MGAT4C: variants seen among roughly 807,000 people sequenced by gnomAD.
MGAT4C encodes alpha-1,3-mannosyl-glycoprotein 4-beta-N-acetylglucosaminyltransferase C.
Under a neutral mutation model 40.1 loss-of-function variants are expected in MGAT4C, and 19 were observed. The observed-to-expected ratio is 0.47, with a 90% confidence interval of 0.33 to 0.70. The LOEUF is 0.70. MGAT4C is among the 30% of genes least tolerant of loss of function. MGAT4C has a pLI of 0.02. For missense variants in MGAT4C, 491 were observed against 563.2 expected (o/e 0.87, Z 1.30); for synonymous variants, 181 against 187.1 (o/e 0.97, Z 0.27).
chr12:86,458,676 A>G (rs1355262507), intron 2 of MGAT4C, among the ~76,000 whole-genome samples: 1 of 152,228 alleles, frequency 6.6e-6, no homozygotes, highest in Non-Finnish European at 1.5e-5. Context: ...CATGGAATGA[A>G]TATCACAGTT....
At chr12:86,277,709 T>G (rs1953111185) in intron 4 of MGAT4C, among the ~76,000 whole-genome samples, 1 of 152,152 alleles carries the variant, frequency 6.6e-6, no homozygotes, top group South Asian at 2.1e-4. Flanking sequence ...CACTGTAGAT[T>G]CATGGATTTC....
intron 3 of MGAT4C, among the ~76,000 whole-genome samples, chr12:86,417,673 T>C (rs1956744140): frequency 6.6e-6 from 1 of 152,134 alleles, no homozygotes; most frequent in African/African-American, 2.4e-5. Context: ...ATTCTTTGAA[T>C]GAGATATATT....
At chr12:86,501,479 G>A (rs1439774985) in intron 2 of MGAT4C, among the ~76,000 whole-genome samples, 1 of 151,260 alleles carries the variant, frequency 6.6e-6, no homozygotes, top group Admixed American at 6.6e-5. Flanking sequence ...TTTTCCTAAT[G>A]CTCTTCCCCC....
At chr12:86,367,616 G>A (rs1316375352) in intron 3 of MGAT4C, among the ~76,000 whole-genome samples, 2 of 152,096 alleles carry the variant, frequency 1.3e-5, no homozygotes, top group African/African-American at 4.8e-5. Flanking sequence ...TCACTAACAC[G>A]GTGAAACCTC....
chr12:86,048,579 T>G (rs2136960783), intron 2 of MGAT4C, among the ~76,000 whole-genome samples: 1 of 151,832 alleles, frequency 6.6e-6, no homozygotes, highest in South Asian at 2.1e-4. Flanking sequence ...AAGTAATAAA[T>G]AATGAAATGA....
chr12:85,968,968 T>A lies in MGAT4C; in HGVS notation c.*10321A>T, dbSNP rs538927858. On this transcript the variant is annotated 3_prime_UTR_variant, in exon 5 of 5. Transcript: ENST00000611864. The stretch of plus-strand genomic sequence containing the variant: ...TTCTTCATCACTGAAGTAGCAATAA[T>A]AATAGTCATTTCTGTTTTAATACTT... 6.6e-6 allele frequency: 1 copy of A among 151,966 alleles called. No individual in the cohort carries two copies. The highest frequency in any genetic ancestry group is 1.9e-4 in the East Asian group (1 of 5,172). 9.4% of individuals were successfully genotyped at this position (151,966 alleles called of 1,614,324 possible).
intron 1 of MGAT4C, among the ~76,000 whole-genome samples, chr12:86,729,262 C>G (rs192486584): frequency 3.9e-5 from 6 of 152,028 alleles, no homozygotes; most frequent in African/African-American, 1.4e-4. Context: ...GTGATGGATA[C>G]CCCAGTTACC....
At chr12:86,437,726 TA>T (rs1323872995) in intron 2 of MGAT4C, among the ~76,000 whole-genome samples, 1 of 151,920 alleles carries the variant, frequency 6.6e-6, no homozygotes, top group Non-Finnish European at 1.5e-5. Context: ...ATTCACACAA[TA>T]TATCAAGCTT....
chr12:86,345,824 G>A (rs984439087), intron 3 of MGAT4C, among the ~76,000 whole-genome samples: 1 of 152,154 alleles, frequency 6.6e-6, no homozygotes, highest in African/African-American at 2.4e-5. Flanking sequence ...CTGAGGAATC[G>A]CCACACCGAC....
At chr12:86,446,469 G>A (rs1238264641) in intron 2 of MGAT4C, among the ~76,000 whole-genome samples, 1 of 151,138 alleles carries the variant, frequency 6.6e-6, no homozygotes, top group African/African-American at 2.4e-5. Flanking sequence ...GCAACCAGCT[G>A]TTTTTGTGAT....
intron 2 of MGAT4C, among the ~76,000 whole-genome samples, chr12:86,701,295 G>A (rs868385990): frequency 1.3e-5 from 2 of 151,704 alleles, no homozygotes; most frequent in African/African-American, 4.8e-5. Context: ...CTATGATGCC[G>A]TTTTTCCAAC....
In MGAT4C at chr12:86,339,092, T is replaced by A. The variant is rs151262850; in HGVS notation, c.-119-4965A>T. 5.3e-5 allele frequency among the ~76,000 whole-genome samples: 8 copies of A among 152,022 alleles called. 1 individual carries two copies. Among genetic ancestry groups the A allele is most frequent in the African/African-American group, 1.9e-4 (8 of 41,474 alleles). ...TCATTTAATGCCGAAAACAACCCTATGAAGTTGGTATTATTGTTATTATTG... is the reference window on the plus strand; with the variant it reads ...TCATTTAATGCCGAAAACAACCCTAAGAAGTTGGTATTATTGTTATTATTG... On this transcript the variant is annotated intron_variant, in intron 3 of 7. Transcript: ENST00000548651.
At chr12:86,528,362 A>AT (rs1375332740) in intron 2 of MGAT4C, among the ~76,000 whole-genome samples, 1 of 152,086 alleles carries the variant, frequency 6.6e-6, no homozygotes, top group African/African-American at 2.4e-5. Flanking sequence ...GAGACAAGGG[A>AT]TTTTATATCT....
rs1883225479 is a variant in MGAT4C, at chr12:85,963,686, G to A, written c.*15603C>T. On this transcript the variant is annotated 3_prime_UTR_variant, in exon 5 of 5. Coordinates refer to ENST00000611864, the MANE Select transcript of MGAT4C (RefSeq NM_001351288.2). The stretch of plus-strand genomic sequence containing the variant: ...ACAGATATTATTGAGGCTCAAGGTT[G>A]TTTAATGGCACAGATAATATAATTC... 1 of 152,020 alleles carries A rather than the reference G, an allele frequency of 6.6e-6. No individual in the cohort carries two copies. The highest frequency in any genetic ancestry group is 1.5e-5 in the Non-Finnish European group (1 of 67,932). The allele number at this position is 152,020 out of a possible 1,614,324, so 9.4% of individuals were successfully genotyped here. A position where few individuals can be genotyped will look rare whatever the true frequency, so the allele number is the denominator to read the frequency against.
chr12:86,016,756 A>AT lies in MGAT4C; in HGVS notation c.-6-27205dup, dbSNP rs923940078. The stretch of plus-strand genomic sequence containing the variant: ...TTCTTTCTCAAAGGCCTATGTGTAA[A>AT]TTTTTTTTTTTGGTATGCAGACAGG... On this transcript the variant is annotated intron_variant, in intron 2 of 4. Coordinates refer to ENST00000611864, the MANE Select transcript of MGAT4C (RefSeq NM_001351288.2). 1.0e-3 allele frequency among the ~76,000 whole-genome samples: 151 copies of AT among 148,384 alleles called. 3 individuals are homozygous for AT. The highest frequency in any genetic ancestry group is 4.0e-3 in the South Asian group (19 of 4,692).
intron 2 of MGAT4C, among the ~76,000 whole-genome samples, chr12:86,490,979 C>T (rs1272496547): frequency 6.6e-6 from 1 of 152,108 alleles, no homozygotes; most frequent in African/African-American, 2.4e-5. Flanking sequence ...CCTTAACACC[C>T]CACTGTCAAC....
chr12:86,363,673 A>C lies in MGAT4C; in HGVS notation c.-119-29546T>G, dbSNP rs536798494. ...AATAAAATTAATGGAACCAAAAGCTACTTCTTTGAAAAGTTTGATAATTTG... is the reference window on the plus strand; with the variant it reads ...AATAAAATTAATGGAACCAAAAGCTCCTTCTTTGAAAAGTTTGATAATTTG... On this transcript the variant is annotated intron_variant, in intron 3 of 7. Transcript: ENST00000548651. 2.2e-4 allele frequency among the ~76,000 whole-genome samples: 34 copies of C among 152,228 alleles called. No homozygotes were observed. In the South Asian group the frequency reaches 7.1e-3, roughly 32 times the overall value.
At chr12:86,379,342 G>A (rs1955886823) in intron 3 of MGAT4C, among the ~76,000 whole-genome samples, 1 of 152,068 alleles carries the variant, frequency 6.6e-6, no homozygotes, top group South Asian at 2.1e-4. Flanking sequence ...TTTTGCTGCT[G>A]TTGAATATAT....
At chr12:86,316,687 C>A (rs574241538) in intron 4 of MGAT4C, among the ~76,000 whole-genome samples, 4 of 152,048 alleles carry the variant, frequency 2.6e-5, no homozygotes, top group African/African-American at 9.6e-5. Flanking sequence ...AAGATGGCAA[C>A]AATAGACACT....
Sources: allele counts gnomAD v4.1 joint callset (sites outside exome capture counted in the v4.1 genomes callset), GRCh38; gene constraint gnomAD v4.1.1; transcripts MANE v1.5; gene names NCBI Gene and HGNC (gene_info 2026-07-23, HGNC 2026-07-21).